Variants in MYBL2 observed in about 807,000 individuals in gnomAD.
MYBL2 encodes myb-related protein B.
Under a neutral mutation model 79.9 loss-of-function variants are expected in MYBL2, and 28 were observed. The ratio of observed to expected loss-of-function variants is 0.35; its 90% CI spans 0.26 to 0.48. The LOEUF (loss-of-function observed/expected upper bound fraction) is 0.48, where lower values mean the gene tolerates loss of function less well. Ranked by LOEUF, MYBL2 falls within the 20% of genes least tolerant of loss-of-function variation. The pLI, the probability that MYBL2 is intolerant of heterozygous loss-of-function variation, is 0.99. For synonymous variants in MYBL2, 378 were observed against 361.2 expected, an observed-to-expected ratio of 1.05 and a Z score of -0.53; for missense variants, 735 against 893.9, an observed-to-expected ratio of 0.82 and a Z score of 2.27.
intron 5 of MYBL2, among the ~76,000 whole-genome samples, chr20:43,688,436 C>G (rs951074722): frequency 1.7e-4 from 26 of 152,056 alleles, no homozygotes; most frequent in African/African-American, 6.0e-4. Context: ...TCTTGACCTC[C>G]TGCCCACCTC....
chr20:43,704,240 T>C (rs1490445156), intron 8 of MYBL2, among the ~76,000 whole-genome samples: 3 of 152,186 alleles, frequency 2.0e-5, no homozygotes, highest in Non-Finnish European at 4.4e-5. Context: ...GGTCTCGAAC[T>C]CTTGACCTCA....
At chr20:43,705,557 T>C (rs1987761652) in intron 9 of MYBL2, among the ~76,000 whole-genome samples, 199 bp downstream of exon 9, 1 of 152,176 alleles carries the variant, frequency 6.6e-6, no homozygotes, top group Non-Finnish European at 1.5e-5. Flanking sequence ...CACCTTTGCT[T>C]TTCCTCATTT....
chr20:43,710,431 C>T (rs1366124990), intron 10 of MYBL2, among the ~76,000 whole-genome samples: 3 of 152,222 alleles, frequency 2.0e-5, no homozygotes, highest in Non-Finnish European at 1.5e-5. Flanking sequence ...TGGCCTGTCT[C>T]TGACCAACTC....
intron 5 of MYBL2, among the ~76,000 whole-genome samples, chr20:43,689,265 A>G (rs940269613): frequency 3.9e-5 from 6 of 152,190 alleles, no homozygotes; most frequent in Admixed American, 2.0e-4. Flanking sequence ...AAAATGCCAG[A>G]TGGTGTGTTT....
intron 6 of MYBL2, among the ~76,000 whole-genome samples, chr20:43,698,351 ATTTTTTTTTTTTTTTTTTTTTTTTTTTTT>A (rs71193701): frequency 2.6e-4 from 13 of 49,076 alleles, no homozygotes; most frequent in East Asian, 1.2e-3. Context: ...CGCCCCGCAT[ATTTTTTTTTTTTTTTTTTTTTTTTTTTTT>A]TTTTTTTTTT....
At chr20:43,710,669 C>T (rs968799727) in intron 10 of MYBL2, among the ~76,000 whole-genome samples, 11 of 152,294 alleles carry the variant, frequency 7.2e-5, no homozygotes, top group South Asian at 4.1e-4. Flanking sequence ...AGGTCTGCAG[C>T]GGGTCCCCCT....
Position 43,681,789 on chromosome 20 carries a change from G to A in MYBL2, c.120G>A (p.Glu40=), listed in dbSNP as rs368118364. The A allele has an allele frequency of 1.4e-5, 23 of 1,614,228 alleles. No individual in the cohort carries two copies. Among genetic ancestry groups the A allele is most frequent in the Non-Finnish European group, 1.8e-5 (21 of 1,180,046 alleles). ...CKVKWTHEED[E]QLRALVRQFG... is the part of the protein sequence containing the mutation. ...TGTCTTTCTGGTGTTGGCAGGACGAGCAGCTGAGGGCCCTGGTGAGGCAGT... is the reference window on the plus strand; with the variant it reads ...TGTCTTTCTGGTGTTGGCAGGACGAACAGCTGAGGGCCCTGGTGAGGCAGT... Residue 40 remains glutamate (E), a synonymous_variant, in exon 3 of 14, where the codon GAG becomes GAA. Transcript: ENST00000217026.
In MYBL2 at chr20:43,699,746, G is replaced by A. The variant is rs749262909; in HGVS notation, c.664-11G>A. 6 of 1,613,566 alleles carry A rather than the reference G, an allele frequency of 3.7e-6. No individual in the cohort carries two copies. The highest frequency in any genetic ancestry group is 1.7e-4 in the Middle Eastern group (1 of 5,926). Reference sequence around the variant, plus strand: ...AGCGAAATGCAAATGGTGTATTCTTGTGTCTTACAGGGAAGTCTTCTGACC... The same window carrying A: ...AGCGAAATGCAAATGGTGTATTCTTATGTCTTACAGGGAAGTCTTCTGACC... On this transcript the variant is annotated splice_polypyrimidine_tract_variant and intron_variant, in intron 6 of 13. Transcript: ENST00000217026.
intron 2 of MYBL2, among the ~76,000 whole-genome samples, chr20:43,677,246 T>G (rs943231352): frequency 2.6e-5 from 4 of 152,150 alleles, no homozygotes; most frequent in African/African-American, 7.2e-5. Flanking sequence ...AATGGAGAGA[T>G]AAGACCGTGT....
rs995007936 is a variant in MYBL2, at chr20:43,667,218, C to T, written c.-66C>T. The T allele has an allele frequency of 1.4e-5, 16 of 1,157,820 alleles. No individual in the cohort carries two copies. The highest frequency in any genetic ancestry group is 7.5e-5 in the East Asian group (2 of 26,664). 71.7% of individuals were successfully genotyped at this position (1,157,820 alleles called of 1,614,324 possible). ...GCCGGAGCAGCCCGGGTCCTGACCC[C>T]GGCCCGGCTCCCGCTCCGGGCTCTG... On this transcript the variant is annotated 5_prime_UTR_variant, in exon 1 of 14. Transcript: ENST00000217026.
intron 9 of MYBL2, among the ~76,000 whole-genome samples, chr20:43,707,077 G>A (rs1477579700): frequency 2.0e-5 from 3 of 151,684 alleles, no homozygotes; most frequent in South Asian, 2.1e-4. Context: ...CTACTCGGGA[G>A]GCTGAAGTGG....
At chr20:43,684,964 T>C (rs1987234740) in intron 4 of MYBL2, among the ~76,000 whole-genome samples, 1 of 151,158 alleles carries the variant, frequency 6.6e-6, no homozygotes, top group Non-Finnish European at 1.5e-5. Flanking sequence ...CTGACCAACA[T>C]GGCGAAACCC....
Position 43,715,241 on chromosome 20 carries a change from A to G in MYBL2, c.1932A>G (p.Ala644=). ...TGCAGGCCAAGCCCGAGAAGGCAGC[A>G]GTGGCCCAGAAGCCCCGAAGCCACT... ...GFLQAKPEKA[A]VAQKPRSHFT... Residue 644 remains alanine, a synonymous_variant, in exon 13 of 14, where the codon GCA becomes GCG. Transcript: ENST00000217026. The G allele has an allele frequency of 1.2e-6, 2 of 1,614,262 alleles. No individual in the cohort carries two copies. The highest frequency in any genetic ancestry group is 1.7e-6 in the Non-Finnish European group (2 of 1,180,046).
At position 43,705,314 on chromosome 20, in the gene MYBL2, A is replaced by G. The variant is rs1987755644; in HGVS notation, c.1461A>G (p.Thr487=). The G allele has an allele frequency of 1.9e-6, 3 of 1,613,894 alleles. No homozygotes were observed. Among genetic ancestry groups the G allele is most frequent in the Non-Finnish European group, 2.5e-6 (3 of 1,179,918 alleles). Residue 487 remains threonine, a synonymous_variant, in exon 9 of 14, where the codon ACA becomes ACG. Coordinates refer to ENST00000217026, the MANE Select transcript of MYBL2 (RefSeq NM_002466.4). Reference sequence around the variant, plus strand: ...GCAGCCAGAAGGTGGTGGTCACCACACCACTGCACCGGGACAAGACACCCC... The same window carrying G: ...GCAGCCAGAAGGTGGTGGTCACCACGCCACTGCACCGGGACAAGACACCCC... ...PVCSQKVVVT[T]PLHRDKTPLH...
intron 2 of MYBL2, among the ~76,000 whole-genome samples, chr20:43,675,554 C>T (rs551926864): frequency 6.6e-6 from 1 of 152,118 alleles, no homozygotes; most frequent in Non-Finnish European, 1.5e-5. Context: ...CTCAAGCAAT[C>T]CACCCACCTT....
chr20:43,674,807 C>T (rs1986966645), intron 2 of MYBL2, among the ~76,000 whole-genome samples: 1 of 152,136 alleles, frequency 6.6e-6, no homozygotes, highest in African/African-American at 2.4e-5. Context: ...GCTGGGATTA[C>T]AGGCATGAGT....
Position 43,710,020 on chromosome 20 carries a change from G to A in MYBL2, c.1563G>A (p.Pro521=), listed in dbSNP as rs745688859. 12 of 1,609,760 alleles carry A rather than the reference G, an allele frequency of 7.5e-6. No homozygotes were observed. Among genetic ancestry groups the A allele is most frequent in the South Asian group, 1.1e-5 (1 of 89,710 alleles). ...ACAACACTCCCCACACGCCAACCCC[G>A]TTCAAGAACGCCCTGGAGAAGTACG... ...SMDNTPHTPT[P]FKNALEKYGP... The change falls in exon 10 of 14, where the codon CCG becomes CCA. Residue 521 remains proline (P), a synonymous_variant. Transcript: ENST00000217026.
At chr20:43,696,792 C>A (rs1321437708) in intron 6 of MYBL2, among the ~76,000 whole-genome samples, 1 of 152,186 alleles carries the variant, frequency 6.6e-6, no homozygotes, top group African/African-American at 2.4e-5. Flanking sequence ...AGTGGTGTGA[C>A]CTTGGCTCAC....
rs1487359215 is a variant in MYBL2 at position 43,670,960 on chromosome 20, CTTTTTTTTCT to C, written c.21-2837_21-2828del. On this transcript the variant is annotated intron_variant, in intron 1 of 13. Coordinates refer to ENST00000217026, the MANE Select transcript of MYBL2 (RefSeq NM_002466.4). ...TCTCTGGAGGTGGATCCTATGATTT[CTTTTTTTTCT>C]TTTTTTTTTTTTTTTTGAGACGGAG... is the stretch of plus-strand genomic sequence containing the variant. 4.1e-5 allele frequency among the ~76,000 whole-genome samples: 6 copies of C among 144,658 alleles called. No individual in the cohort carries two copies. The East Asian group carries it at 8.0e-4, about 19-fold the overall frequency. 94.9% of individuals were successfully genotyped at this position (144,658 alleles called of 152,430 possible).
Sources: gnomAD v4.1 joint callset for allele counts (sites outside exome capture counted in the v4.1 genomes callset) on GRCh38, gnomAD v4.1.1 for gene constraint, MANE v1.5 for transcripts, NCBI Gene and HGNC (gene_info 2026-07-23, HGNC 2026-07-21) for gene names.